FILIP1: variants seen among roughly 807,000 people sequenced by gnomAD.
The protein encoded by FILIP1 is filamin A interacting protein 1, also known as filamin-A-interacting protein 1.
FILIP1 carries 61 observed loss-of-function variants against 102.1 expected under a neutral mutation model. The observed-to-expected ratio is 0.60, with a 90% CI of 0.49 to 0.74. The LOEUF (loss-of-function observed/expected upper bound fraction) is 0.74, where lower values mean the gene tolerates loss of function less well. Among genes scored for constraint, FILIP1 ranks in the 30% least tolerant of loss-of-function variants. The pLI, the probability that FILIP1 is intolerant of heterozygous loss-of-function variation, is 0.00. For synonymous variants in FILIP1, 491 were observed against 526.9 expected (o/e 0.93, Z 0.93); for missense variants, 1,314 against 1,441.2 (o/e 0.91, Z 1.43).
intron 4 of FILIP1, among the ~76,000 whole-genome samples, chr6:75,336,024 A>G (rs1488724030): frequency 6.6e-6 from 1 of 152,254 alleles, no homozygotes; most frequent in African/African-American, 2.4e-5. Flanking sequence ...AGTTACATAA[A>G]GCAATGTTCA....
intron 2 of FILIP1, among the ~76,000 whole-genome samples, chr6:75,372,793 AGAAG>A (rs1231938435): frequency 0.027 from 1,087 of 40,382 alleles, 183 homozygotes; most frequent in African/African-American, 0.047. Context: ...AAAGAAAGAA[AGAAG>A]GAAAGAAAGA....
intron 6 of FILIP1, chr6:75,296,524 G>A (rs1772684779): frequency 7.7e-6 from 1 of 129,670 alleles, no homozygotes; most frequent in Admixed American, 7.6e-5. Context: ...ATTTTAGGTG[G>A]AGTCTCGCTC....
rs1163388487 is a variant in FILIP1 at position 75,308,656 on chromosome 6, A to G, written c.*35T>C. Reference sequence around the variant, plus strand: ...GAAGGTTCACTTTCACGGCAGCAGTAGCATCTGCACAACATACCCCCTTAG... The same window carrying G: ...GAAGGTTCACTTTCACGGCAGCAGTGGCATCTGCACAACATACCCCCTTAG... On this transcript the variant is annotated 3_prime_UTR_variant, in exon 6 of 6. Coordinates refer to ENST00000237172, the MANE Select transcript of FILIP1 (RefSeq NM_015687.5). The G allele has an allele frequency of 6.2e-7, 1 of 1,608,528 alleles. No individual in the cohort carries two copies. Among genetic ancestry groups the G allele is most frequent in the Non-Finnish European group, 8.5e-7 (1 of 1,177,264 alleles).
At chr6:75,377,207 A>C (rs1775777337) in intron 2 of FILIP1, among the ~76,000 whole-genome samples, 1 of 152,118 alleles carries the variant, frequency 6.6e-6, no homozygotes, top group Non-Finnish European at 1.5e-5. Context: ...TTGAGTTCCT[A>C]CTTGGAATGT....
chr6:75,306,323 C>T (rs191977918), downstream of FILIP1, among the ~76,000 whole-genome samples: 1 of 152,198 alleles, frequency 6.6e-6, no homozygotes, highest in East Asian at 1.9e-4. Flanking sequence ...GTATAGACTT[C>T]CTGGAAGAAA....
chr6:75,395,279 AT>A (rs886341498), intron 2 of FILIP1, among the ~76,000 whole-genome samples: 6 of 151,628 alleles, frequency 4.0e-5, no homozygotes, highest in East Asian at 1.9e-4. Context: ...TTTTAACATA[AT>A]TTTTTTTTCT....
At chr6:75,450,364 A>T (rs1778586403) in intron 1 of FILIP1, among the ~76,000 whole-genome samples, 1 of 152,300 alleles carries the variant, frequency 6.6e-6, no homozygotes, top group Admixed American at 6.5e-5. Context: ...TAGAATAATC[A>T]GAGGCCAAGT....
At chr6:75,339,683 C>T (rs1774356317) in intron 4 of FILIP1, among the ~76,000 whole-genome samples, 1 of 152,216 alleles carries the variant, frequency 6.6e-6, no homozygotes, top group South Asian at 2.1e-4. Context: ...CGCAGTGGCT[C>T]ACACCTGTAA....
At chr6:75,439,199 T>C (rs1042951467) in intron 1 of FILIP1, among the ~76,000 whole-genome samples, 1 of 152,126 alleles carries the variant, frequency 6.6e-6, no homozygotes. Flanking sequence ...ACCCCATCTC[T>C]ACTAAAAATA....
chr6:75,327,919 A>C (rs1773928810), intron 4 of FILIP1, among the ~76,000 whole-genome samples: 1 of 152,114 alleles, frequency 6.6e-6, no homozygotes, highest in African/African-American at 2.4e-5. Flanking sequence ...AAAACCCTGA[A>C]CCTGAATCAA....
chr6:75,372,797 GGAAA>G lies in FILIP1; in HGVS notation c.277-9884_277-9881del, dbSNP rs57751671. The stretch of plus-strand genomic sequence containing the variant: ...AAGAAAGAAAGAAAGAAAGAAAGAA[GGAAA>G]GAAAGAAAGAAAAGAGTTGGTGAGG... On this transcript the variant is annotated intron_variant, in intron 2 of 5. Transcript: ENST00000237172. Among the ~76,000 whole-genome samples the G allele has an allele frequency of 4.8e-5, 2 of 41,464 alleles. 1 individual carries two copies. The highest frequency in any genetic ancestry group is 9.2e-5 in the Non-Finnish European group (2 of 21,678). The allele number at this position is 41,464 out of a possible 152,430, so 27.2% of individuals were successfully genotyped here. A position where few individuals can be genotyped will look rare whatever the true frequency, so the allele number is the denominator to read the frequency against.
At chr6:75,350,607 CTA>C (rs1774763622) in intron 4 of FILIP1, among the ~76,000 whole-genome samples, 1 of 152,038 alleles carries the variant, frequency 6.6e-6, no homozygotes, top group South Asian at 2.1e-4. Context: ...ACTCTGTGAA[CTA>C]TCATGCTCTC....
intron 4 of FILIP1, among the ~76,000 whole-genome samples, chr6:75,345,861 G>A (rs189147156): frequency 1.6e-3 from 244 of 152,200 alleles, no homozygotes; most frequent in African/African-American, 3.5e-3. Flanking sequence ...GAGGAACCCC[G>A]GGTATTTACC....
chr6:75,449,723 G>T (rs1351961503), intron 1 of FILIP1, among the ~76,000 whole-genome samples: 1 of 127,672 alleles, frequency 7.8e-6, no homozygotes, highest in African/African-American at 2.6e-5. Context: ...TTATTTGACT[G>T]CTATGGCAAA....
chr6:75,450,908 T>C (rs957480109), intron 1 of FILIP1, among the ~76,000 whole-genome samples: 1 of 152,128 alleles, frequency 6.6e-6, no homozygotes, highest in Non-Finnish European at 1.5e-5. Context: ...TGAGCCGAGA[T>C]TGCGCCATTG....
intron 5 of FILIP1, among the ~76,000 whole-genome samples, chr6:75,311,697 A>G (rs975978084): frequency 6.6e-6 from 1 of 152,080 alleles, no homozygotes; most frequent in Non-Finnish European, 1.5e-5. Context: ...GGGTTTCACC[A>G]TATTGGCCAG....
intron 4 of FILIP1, among the ~76,000 whole-genome samples, chr6:75,341,488 G>C (rs1417737753): frequency 6.6e-6 from 1 of 151,950 alleles, no homozygotes; most frequent in Admixed American, 6.6e-5. Context: ...GAGTCCTCCA[G>C]TCTTAGAATA....
chr6:75,319,199 C>T, intron 4 of FILIP1: 1 of 755,196 alleles, frequency 1.3e-6, no homozygotes, highest in South Asian at 1.4e-5. Context: ...ATATCCTTTT[C>T]TTGTTTTTCC....
chr6:75,421,981 C>T (rs1327326465), intron 1 of FILIP1, among the ~76,000 whole-genome samples: 1 of 152,110 alleles, frequency 6.6e-6, no homozygotes, highest in Non-Finnish European at 1.5e-5. Context: ...CTTATTTATA[C>T]TCACTTCCAG....
Sources: allele counts gnomAD v4.1 joint callset (sites outside exome capture counted in the v4.1 genomes callset), GRCh38; gene constraint gnomAD v4.1.1; transcripts MANE v1.5; gene names NCBI Gene and HGNC (gene_info 2026-07-23, HGNC 2026-07-21).